COL4A6: variants seen among roughly 807,000 people sequenced by gnomAD.
COL4A6 encodes the protein collagen alpha-6(IV) chain.
In COL4A6, 59 loss-of-function variants were observed where a neutral mutation model predicts 126.7. The observed-to-expected ratio is 0.47, with a 90% CI of 0.38 to 0.58. The LOEUF is 0.58. Ranked by LOEUF, COL4A6 falls within the 20% of genes least tolerant of loss-of-function variation. COL4A6 has a pLI of 0.00. For missense variants in COL4A6, 1,285 were observed against 1,337.3 expected (o/e 0.96, Z 0.61); for synonymous variants, 547 against 496.6 (o/e 1.10, Z -1.35).
intron 2 of COL4A6, among the ~76,000 whole-genome samples, chrX:108,373,248 G>GA (rs776174714): frequency 9.0e-6 from 1 of 111,003 alleles, no homozygotes; most frequent in South Asian, 3.9e-4. Flanking sequence ...CACACAAAGG[G>GA]AAAAAAGACA....
At chrX:108,340,197 A>T (rs1036987472) in intron 2 of COL4A6, among the ~76,000 whole-genome samples, 1 of 111,867 alleles carries the variant, frequency 8.9e-6, no homozygotes, top group Non-Finnish European at 1.9e-5. Flanking sequence ...GTCTGTGATG[A>T]TGGAAATGCT....
chrX:108,334,869 G>A (rs1030683580), intron 2 of COL4A6, among the ~76,000 whole-genome samples: 1 of 111,594 alleles, frequency 9.0e-6, no homozygotes, highest in African/African-American at 3.3e-5. Flanking sequence ...GATCAAATAA[G>A]ACAAGCTGAG....
intron 3 of COL4A6, among the ~76,000 whole-genome samples, chrX:108,225,414 C>A (rs2036141576): frequency 8.9e-6 from 1 of 112,686 alleles, no homozygotes; most frequent in Non-Finnish European, 1.9e-5. Context: ...GCAAATAGAC[C>A]CAGACAGGGC....
At chrX:108,240,603 A>G (rs1182242419) in intron 3 of COL4A6, among the ~76,000 whole-genome samples, 1 of 111,855 alleles carries the variant, frequency 8.9e-6, no homozygotes. Context: ...GGCTTGGAGC[A>G]TCTAAAGACA....
chrX:108,174,150 G>C, intron 31 of COL4A6, among the ~76,000 whole-genome samples: 1 of 112,019 alleles, frequency 8.9e-6, no homozygotes, highest in Non-Finnish European at 1.9e-5. Flanking sequence ...GGGACTCCTG[G>C]AGGAGATGGT....
chrX:108,204,692 TA>T, intron 11 of COL4A6: 2 of 378,193 alleles, frequency 5.3e-6, no homozygotes, highest in Non-Finnish European at 9.4e-6. Flanking sequence ...TAGAAGAGAT[TA>T]AAAAAGGAAT....
chrX:108,223,694 C>A (rs1232010131), intron 3 of COL4A6, among the ~76,000 whole-genome samples: 2 of 111,254 alleles, frequency 1.8e-5, no homozygotes, highest in Non-Finnish European at 1.9e-5. Flanking sequence ...GGGAGAAGAG[C>A]GGTCTTTCAG....
chrX:108,241,374 G>A (rs1037136668), intron 3 of COL4A6, among the ~76,000 whole-genome samples: 1 of 109,043 alleles, frequency 9.2e-6, no homozygotes, highest in Non-Finnish European at 1.9e-5. Flanking sequence ...CATACAGTTG[G>A]AAAGTGGTAG....
chrX:108,347,540 T>G (rs1382529454), intron 2 of COL4A6, among the ~76,000 whole-genome samples: 2 of 111,370 alleles, frequency 1.8e-5, no homozygotes, highest in East Asian at 5.7e-4. Flanking sequence ...AATCCACATT[T>G]GAGACTCACA....
At chrX:108,381,938 CTCTT>C (rs201103424) in intron 2 of COL4A6, among the ~76,000 whole-genome samples, 7,173 of 111,170 alleles carry the variant, frequency 0.065, 545 homozygotes, top group African/African-American at 0.21. Context: ...CTATCTCTCT[CTCTT>C]TATGACTAAC....
chrX:108,170,645 C>T lies in COL4A6; in HGVS notation c.3457G>A (p.Gly1153Arg). The T allele has an allele frequency of 8.3e-7, 1 of 1,205,672 alleles. No homozygotes were observed. The highest frequency in any genetic ancestry group is 1.1e-6 in the Non-Finnish European group (1 of 893,809). Residue 1153 changes from glycine to arginine, a missense_variant, in exon 35 of 45, where the codon GGG (glycine) becomes AGG (arginine). Coordinates refer to ENST00000334504, the MANE Select transcript of COL4A6 (RefSeq NM_033641.4). ...PGSSGHQGAIGPLGSPGLIGP... is the reference protein window; with the variant it reads ...PGSSGHQGAIRPLGSPGLIGP... Reference sequence around the variant, plus strand: ...ATTAATCCGGGGGATCCTAGAGGCCCAATTGCCCCTTGGTGACCAGAAGAA... The same window carrying T: ...ATTAATCCGGGGGATCCTAGAGGCCTAATTGCCCCTTGGTGACCAGAAGAA...
intron 2 of COL4A6, among the ~76,000 whole-genome samples, chrX:108,386,554 G>A (rs2040697976): frequency 9.0e-6 from 1 of 111,369 alleles, no homozygotes; most frequent in African/African-American, 3.3e-5. Context: ...GTTCGCCCAC[G>A]TTTTGATGGG....
chrX:108,175,355 C>A, intron 29 of COL4A6, 140 bp from the exon 30 acceptor site: 1 of 760,619 alleles, frequency 1.3e-6, no homozygotes. Context: ...CCTATTCCCC[C>A]AACTTCACAT....
intron 2 of COL4A6, among the ~76,000 whole-genome samples, chrX:108,313,861 A>G (rs1308396413): frequency 8.9e-6 from 1 of 111,823 alleles, no homozygotes; most frequent in Non-Finnish European, 1.9e-5. Flanking sequence ...GGGATGTAGT[A>G]TTGATGATTC....
At chrX:108,361,313 A>C (rs1428435031) in intron 2 of COL4A6, among the ~76,000 whole-genome samples, 3 of 111,607 alleles carry the variant, frequency 2.7e-5, no homozygotes, top group African/African-American at 9.8e-5. Flanking sequence ...TACTTCCCCA[A>C]TACAAAAGTT....
chrX:108,272,584 C>T (rs1176515043), intron 3 of COL4A6, among the ~76,000 whole-genome samples: 1 of 111,438 alleles, frequency 9.0e-6, no homozygotes, highest in East Asian at 2.8e-4. Context: ...TAATTAAAAC[C>T]AAGCAATCAA....
chrX:108,338,348 T>A (rs777954485), intron 2 of COL4A6, among the ~76,000 whole-genome samples: 1 of 111,707 alleles, frequency 9.0e-6, no homozygotes, highest in East Asian at 2.8e-4. Context: ...GGATTTGAGG[T>A]TGAAAGAGTG....
At chrX:108,275,073 T>C (rs1473023478) in intron 3 of COL4A6, among the ~76,000 whole-genome samples, 2 of 111,378 alleles carry the variant, frequency 1.8e-5, no homozygotes, top group Non-Finnish European at 3.8e-5. Context: ...TCTAGGGGTA[T>C]ATACATTAGG....
At chrX:108,213,197 C>G (rs767189800) in intron 6 of COL4A6, among the ~76,000 whole-genome samples, 2 of 112,095 alleles carry the variant, frequency 1.8e-5, no homozygotes, top group Admixed American at 9.4e-5. Context: ...AATGAAGTGT[C>G]AATTAATTCA....
Sources: allele counts gnomAD v4.1 joint callset (sites outside exome capture counted in the v4.1 genomes callset), GRCh38; gene constraint gnomAD v4.1.1; transcripts MANE v1.5; gene names NCBI Gene and HGNC (gene_info 2026-07-23, HGNC 2026-07-21).